RFTN1: variants seen among roughly 807,000 people sequenced by gnomAD.
RFTN1 encodes the protein raftlin.
Under a neutral mutation model 46.5 loss-of-function variants are expected in RFTN1, and 26 were observed. The observed-to-expected ratio is 0.56, with a 90% CI of 0.41 to 0.78. The LOEUF (loss-of-function observed/expected upper bound fraction) is 0.78. Ranked by LOEUF, RFTN1 falls within the 30% of genes least tolerant of loss-of-function variation. The pLI, the probability that RFTN1 is intolerant of heterozygous loss-of-function variation, is 0.00. For synonymous variants in RFTN1, 261 were observed against 284.2 expected, an observed-to-expected ratio of 0.92 and a Z score of 0.82; for missense variants, 693 against 718.7, an observed-to-expected ratio of 0.96 and a Z score of 0.41.
chr3:16,413,088 G>A lies in RFTN1; in HGVS notation c.333-3605C>T, dbSNP rs992548927. Among the ~76,000 whole-genome samples the A allele has an allele frequency of 6.6e-6, 1 of 152,234 alleles. No individual in the cohort carries two copies. The highest frequency in any genetic ancestry group is 2.4e-5 in the African/African-American group (1 of 41,454). On this transcript the variant is annotated intron_variant, in intron 3 of 9. Transcript: ENST00000334133. This position sits in a 1 kb window ranked among gnomAD's most constrained non-coding sequence, Gnocchi z 4.7. Reference sequence around the variant, plus strand: ...ATGAAATGTGTTATCATTTATTACAGAGCATAGAAAACTAATACCAAAAAA... The same window carrying A: ...ATGAAATGTGTTATCATTTATTACAAAGCATAGAAAACTAATACCAAAAAA...
At chr3:16,392,405 G>A (rs896928854) in intron 4 of RFTN1, among the ~76,000 whole-genome samples, 1 of 152,056 alleles carries the variant, frequency 6.6e-6, no homozygotes, top group Admixed American at 6.5e-5. Flanking sequence ...CTCATTATCT[G>A]TGCTGGATCC....
Position 16,335,942 on chromosome 3 carries a change from T to C in RFTN1, c.1147-9066A>G, listed in dbSNP as rs2070805560. ...GACAGCAAGGACTGGTGGCAGCTGC[T>C]AGTGCAGAGGAGGCAGAGCATGCTG... On this transcript the variant is annotated intron_variant, in intron 7 of 9. Coordinates refer to ENST00000334133, the MANE Select transcript of RFTN1 (RefSeq NM_015150.2). This position sits in a 1 kb window ranked among gnomAD's most constrained non-coding sequence, Gnocchi z 4.7. 6.6e-6 allele frequency among the ~76,000 whole-genome samples: 1 copy of C among 152,208 alleles called. No individual in the cohort carries two copies. Among genetic ancestry groups the C allele is most frequent in the African/African-American group, 2.4e-5 (1 of 41,458 alleles).
At position 16,410,212 on chromosome 3, in the gene RFTN1, T is replaced by TACACAC. The variant is rs66657696; in HGVS notation, c.333-735_333-730dup. Reference sequence around the variant, plus strand: ...TTGGTACAATACAGCTTACATGTTATACACACACACACACACACACACACA... The same window carrying TACACAC: ...TTGGTACAATACAGCTTACATGTTATACACACACACACACACACACACACACACACA... On this transcript the variant is annotated intron_variant, in intron 3 of 9. Transcript: ENST00000334133. This position sits in a 1 kb window ranked among gnomAD's most constrained non-coding sequence, Gnocchi z 4.6. Among the ~76,000 whole-genome samples the TACACAC allele has an allele frequency of 7.6e-3, 1,077 of 141,290 alleles. 12 individuals are homozygous for TACACAC. Among genetic ancestry groups the TACACAC allele is most frequent in the Middle Eastern group, 0.018 (5 of 284 alleles). 92.7% of individuals were successfully genotyped at this position (141,290 alleles called of 152,430 possible). A position where few individuals can be genotyped will look rare whatever the true frequency, so the allele number is the denominator to read the frequency against.
chr3:16,501,947 C>T (rs532017079), intron 1 of RFTN1, among the ~76,000 whole-genome samples: 2 of 152,240 alleles, frequency 1.3e-5, no homozygotes, highest in Non-Finnish European at 2.9e-5. Flanking sequence ...TATATGGTAC[C>T]ACTTTTTAAA....
At position 16,381,003 on chromosome 3, in the gene RFTN1, C is replaced by G. The variant is rs922918043; in HGVS notation, c.442-2901G>C. On this transcript the variant is annotated intron_variant, in intron 4 of 9. Coordinates refer to ENST00000334133, the MANE Select transcript of RFTN1 (RefSeq NM_015150.2). The surrounding 1 kb of genome is among the most constrained non-coding windows in gnomAD (Gnocchi z 4.2). ...GCCCCTACACTGGTCCAGGCCAACA[C>G]GGTGCTTAGGTACCAGGAATGTAAA... 6.6e-6 allele frequency among the ~76,000 whole-genome samples: 1 copy of G among 152,190 alleles called. No individual in the cohort carries two copies. The highest frequency in any genetic ancestry group is 2.1e-4 in the South Asian group (1 of 4,830).
chr3:16,501,417 A>G (rs1425949453), intron 1 of RFTN1, among the ~76,000 whole-genome samples: 1 of 152,250 alleles, frequency 6.6e-6, no homozygotes, highest in African/African-American at 2.4e-5. Context: ...TTTACTATCA[A>G]CTAGCATGCA....
intron 6 of RFTN1, among the ~76,000 whole-genome samples, chr3:16,362,143 T>C (rs187663586): frequency 1.9e-3 from 293 of 152,308 alleles, no homozygotes; most frequent in Non-Finnish European, 3.6e-3. Flanking sequence ...AAACCATGGC[T>C]GTAAGGTAAT....
At chr3:16,403,782 A>ATAT (rs2074691165) in intron 4 of RFTN1, among the ~76,000 whole-genome samples, 1 of 16,106 alleles carries the variant, frequency 6.2e-5, no homozygotes, top group African/African-American at 3.1e-4. Flanking sequence ...AATATATATT[A>ATAT]TATATTTTAT....
At position 16,316,529 on chromosome 3, in the gene RFTN1, C is replaced by T. The variant is rs1443456616; in HGVS notation, c.*299G>A. ...GAGGACAGGCACTGGATGGTCCAGACCCTCTGGCTGGAGGAGTGGTGGAGC... is the reference window on the plus strand; with the variant it reads ...GAGGACAGGCACTGGATGGTCCAGATCCTCTGGCTGGAGGAGTGGTGGAGC... On this transcript the variant is annotated 3_prime_UTR_variant, in exon 10 of 10. Transcript: ENST00000334133. The surrounding 1 kb of genome is among the most constrained non-coding windows in gnomAD (Gnocchi z 4.5). 1.1e-5 allele frequency: 5 copies of T among 439,282 alleles called. No homozygotes were observed. Among genetic ancestry groups the T allele is most frequent in the African/African-American group, 2.0e-5 (1 of 49,878 alleles). 27.2% of individuals were successfully genotyped at this position (439,282 alleles called of 1,614,324 possible).
In RFTN1 at chr3:16,418,125, T is replaced by A. The variant is rs1243438813; in HGVS notation, c.333-8642A>T. On this transcript the variant is annotated intron_variant, in intron 3 of 9. Transcript: ENST00000334133. The surrounding 1 kb of genome is among the most constrained non-coding windows in gnomAD (Gnocchi z 5.0). Reference sequence around the variant, plus strand: ...GTACTGCTAACACTTATGAGTGCTTTCAATATTGGTAATTATCACAGGCAA... The same window carrying A: ...GTACTGCTAACACTTATGAGTGCTTACAATATTGGTAATTATCACAGGCAA... 6.6e-6 allele frequency among the ~76,000 whole-genome samples: 1 copy of A among 152,204 alleles called. No individual in the cohort carries two copies. The highest frequency in any genetic ancestry group is 1.5e-5 in the Non-Finnish European group (1 of 68,030).
rs2075436820 is a variant in RFTN1 at position 16,433,556 on chromosome 3, GCTT to G, written c.332+292_332+294del. On this transcript the variant is annotated intron_variant, in intron 3 of 9. Transcript: ENST00000334133. This position sits in a 1 kb window ranked among gnomAD's most constrained non-coding sequence, Gnocchi z 4.4. ...ACTAGCCACATCATTCTGGGCATAT[GCTT>G]CTTCTGAGGAGACATTTTTCTAGCT... Among the ~76,000 whole-genome samples, 1 of 152,188 alleles carries G rather than the reference GCTT, an allele frequency of 6.6e-6. No homozygotes were observed. The highest frequency in any genetic ancestry group is 6.5e-5 in the Admixed American group (1 of 15,286).
intron 4 of RFTN1, 127 bp from the exon 5 acceptor site, chr3:16,378,229 C>T: frequency 1.4e-6 from 1 of 732,388 alleles, no homozygotes; most frequent in African/African-American, 1.8e-5. Context: ...GAATTCCAAG[C>T]TGACAGGAAC....
chr3:16,393,951 A>C (rs2074411493), intron 4 of RFTN1, among the ~76,000 whole-genome samples: 1 of 151,966 alleles, frequency 6.6e-6, no homozygotes, highest in South Asian at 2.1e-4. Flanking sequence ...GAGCCACCGC[A>C]CCCGGCCAGA....
At chr3:16,463,977 G>A (rs1368521647) in intron 2 of RFTN1, among the ~76,000 whole-genome samples, 2 of 152,078 alleles carry the variant, frequency 1.3e-5, no homozygotes, top group Admixed American at 6.5e-5. Context: ...TGTTCACCAT[G>A]CCCCCACCCC....
At chr3:16,486,538 TA>T (rs1487472700) in intron 2 of RFTN1, among the ~76,000 whole-genome samples, 1 of 152,198 alleles carries the variant, frequency 6.6e-6, no homozygotes, top group African/African-American at 2.4e-5. Context: ...GTGAAAAGAT[TA>T]TCTGCTTCCA....
At chr3:16,416,694 T>C (rs995768881) in intron 3 of RFTN1, among the ~76,000 whole-genome samples, 9 of 151,990 alleles carry the variant, frequency 5.9e-5, no homozygotes, top group Admixed American at 2.0e-4. Context: ...AAGGGAAAAA[T>C]AGAAAGAATG....
chr3:16,478,054 T>A (rs1028518679), intron 2 of RFTN1, among the ~76,000 whole-genome samples: 1 of 152,224 alleles, frequency 6.6e-6, no homozygotes, highest in African/African-American at 2.4e-5. Flanking sequence ...ACCACTCTTG[T>A]TGATGGTCTT....
chr3:16,368,768 A>T (rs1348335852), intron 6 of RFTN1, among the ~76,000 whole-genome samples: 2 of 152,230 alleles, frequency 1.3e-5, no homozygotes, highest in African/African-American at 4.8e-5. Context: ...ATAGTTATTT[A>T]AACTTAATGA....
intron 1 of RFTN1, among the ~76,000 whole-genome samples, chr3:16,494,900 G>T (rs184035126): frequency 6.6e-6 from 1 of 152,216 alleles, no homozygotes; most frequent in Non-Finnish European, 1.5e-5. Context: ...CCCAGTGACC[G>T]CTTCCTTTTA....
Sources: allele counts gnomAD v4.1 joint callset (sites outside exome capture counted in the v4.1 genomes callset), GRCh38; gene constraint gnomAD v4.1.1; non-coding constraint Gnocchi (gnomAD v3.1); transcripts MANE v1.5; gene names NCBI Gene and HGNC (gene_info 2026-07-23, HGNC 2026-07-21).